Variants in MID1 observed in about 807,000 individuals in gnomAD.
The protein encoded by MID1 is E3 ubiquitin-protein ligase Midline-1.
Under a neutral mutation model 40.4 loss-of-function variants are expected in MID1, and 7 were observed. The ratio of observed to expected loss-of-function variants is 0.17; its 90% CI spans 0.10 to 0.33. The LOEUF is 0.33. Among genes scored for constraint, MID1 ranks in the 10% least tolerant of loss-of-function variants. The pLI is 1.00. For synonymous variants in MID1, 229 were observed against 221.2 expected, an observed-to-expected ratio of 1.04 and a Z score of -0.31; for missense variants, 367 against 558.5, an observed-to-expected ratio of 0.66 and a Z score of 3.46.
intron 1 of MID1, among the ~76,000 whole-genome samples, chrX:10,825,816 T>A (rs1193384863): frequency 9.0e-6 from 1 of 111,576 alleles, no homozygotes; most frequent in Non-Finnish European, 1.9e-5. Context: ...CCCAGGAAGT[T>A]ATTGAAAATA....
intron 1 of MID1, among the ~76,000 whole-genome samples, chrX:10,815,441 A>T (rs1438433762): frequency 8.9e-6 from 1 of 112,547 alleles, no homozygotes; most frequent in Non-Finnish European, 1.9e-5. Flanking sequence ...TGGAAGAAAG[A>T]AAATGGTTTA....
At chrX:10,821,720 CTTCT>C (rs2147159605) in intron 1 of MID1, among the ~76,000 whole-genome samples, 1 of 112,566 alleles carries the variant, frequency 8.9e-6, no homozygotes, top group East Asian at 2.8e-4. Flanking sequence ...TTCTTACTTT[CTTCT>C]TTATTTATCC....
At chrX:10,641,477 T>C (rs990140948) in intron 1 of MID1, among the ~76,000 whole-genome samples, 2 of 111,774 alleles carry the variant, frequency 1.8e-5, no homozygotes, top group African/African-American at 6.5e-5. Flanking sequence ...CAGGAAGAAG[T>C]TGAATCCCTG....
chrX:10,580,135 C>T (rs892548002), intron 1 of MID1, among the ~76,000 whole-genome samples: 2 of 109,752 alleles, frequency 1.8e-5, no homozygotes, highest in Non-Finnish European at 3.8e-5. Flanking sequence ...CACACACACA[C>T]ACTGTAAAGT....
At chrX:10,693,866 C>T (rs181588049) in intron 1 of MID1, among the ~76,000 whole-genome samples, 7 of 111,843 alleles carry the variant, frequency 6.3e-5, no homozygotes, top group Admixed American at 3.8e-4. Context: ...ACTAAACTTG[C>T]GAGGACAGTG....
chrX:10,723,446 C>A, intron 1 of MID1, among the ~76,000 whole-genome samples: 1 of 113,081 alleles, frequency 8.8e-6, no homozygotes, highest in South Asian at 3.6e-4. Flanking sequence ...AAAGTACACA[C>A]CACACTGACA....
intron 1 of MID1, among the ~76,000 whole-genome samples, chrX:10,727,013 C>G (rs2043396784): frequency 8.8e-6 from 1 of 113,182 alleles, no homozygotes; most frequent in South Asian, 3.6e-4. Flanking sequence ...AGAGCTGAAG[C>G]AAAGAACAAA....
intron 1 of MID1, among the ~76,000 whole-genome samples, chrX:10,601,413 A>C (rs868557696): frequency 6.2e-5 from 7 of 112,534 alleles, no homozygotes; most frequent in African/African-American, 2.3e-4. Context: ...GACTTGTGAA[A>C]ATTATGTGAA....
chrX:10,592,277 A>T (rs1400229106), intron 1 of MID1, among the ~76,000 whole-genome samples: 4 of 21,884 alleles, frequency 1.8e-4, no homozygotes, highest in African/African-American at 4.1e-4. Context: ...ACTGCGTTAA[A>T]AAAAAAAAAA....
intron 1 of MID1, among the ~76,000 whole-genome samples, chrX:10,571,050 A>G (rs760167531): frequency 8.9e-5 from 10 of 112,550 alleles, no homozygotes; most frequent in African/African-American, 2.6e-4. Flanking sequence ...TCTGACATCA[A>G]TGGAAATTAT....
intron 1 of MID1, among the ~76,000 whole-genome samples, chrX:10,748,086 G>T (rs1185815793): frequency 9.0e-6 from 1 of 110,787 alleles, no homozygotes; most frequent in Admixed American, 9.7e-5. Flanking sequence ...AGCTTATATA[G>T]TCTTTCTGTC....
In MID1 at chrX:10,567,205, C is replaced by T. The variant is rs104894865; in HGVS notation, c.343G>A (p.Glu115Lys). The T allele has an allele frequency of 9.9e-6, 12 of 1,209,486 alleles. No individual in the cohort carries two copies. The highest frequency in any genetic ancestry group is 1.3e-5 in the Non-Finnish European group (12 of 895,053). The change falls in exon 2 of 10, where the codon GAG becomes AAG. Residue 115 changes from glutamate (E) to lysine (K), a missense_variant. By Grantham distance (56) the Glu-to-Lys change is moderately conservative. This residue lies in a region of MID1 where 78 missense variants were observed against 112.6 expected (regional missense o/e 0.69). Coordinates refer to ENST00000317552, the MANE Select transcript of MID1 (RefSeq NM_000381.4). ...TCACAAAACTGGCAGAGGACCTTCT[C>T]GGCGGAGGTCATGGTGTTGGCGTCA... ...AFDANTMTSA[E>K]KVLCQFCDQD...
At chrX:10,542,543 C>A (rs149073847) in intron 2 of MID1, among the ~76,000 whole-genome samples, 129 of 112,005 alleles carry the variant, frequency 1.2e-3, no homozygotes, top group African/African-American at 4.0e-3. Flanking sequence ...TGGACTTGAA[C>A]CTTTACTGTT....
At chrX:10,803,302 AG>A (rs994575415) in intron 1 of MID1, among the ~76,000 whole-genome samples, 4 of 110,965 alleles carry the variant, frequency 3.6e-5, no homozygotes, top group African/African-American at 9.8e-5. Flanking sequence ...GACATAAGTA[AG>A]ATGCTTATAT....
chrX:10,572,287 C>T (rs1934757814), intron 1 of MID1, among the ~76,000 whole-genome samples: 1 of 109,970 alleles, frequency 9.1e-6, no homozygotes, highest in Non-Finnish European at 1.9e-5. Context: ...TGGTGGCTCA[C>T]ACCTGTAATC....
chrX:10,565,594 A>C, intron 2 of MID1: 1 of 302,591 alleles, frequency 3.3e-6, no homozygotes, highest in Non-Finnish European at 6.3e-6. Context: ...GAAGGACTTC[A>C]ATATATATTT....
chrX:10,450,966 A>G (rs1356117171), intron 9 of MID1, among the ~76,000 whole-genome samples: 1 of 112,172 alleles, frequency 8.9e-6, no homozygotes, highest in Non-Finnish European at 1.9e-5. Flanking sequence ...TACCCAATGC[A>G]GAGAGAAAAA....
chrX:10,746,987 G>A (rs1030890302), intron 1 of MID1, among the ~76,000 whole-genome samples: 13 of 110,989 alleles, frequency 1.2e-4, no homozygotes, highest in African/African-American at 3.3e-4. Context: ...TGAAAATAGC[G>A]TGAGTTGCTA....
chrX:10,465,880 G>C (rs1237367350), intron 7 of MID1, among the ~76,000 whole-genome samples: 1 of 111,744 alleles, frequency 8.9e-6, no homozygotes, highest in Non-Finnish European at 1.9e-5. Flanking sequence ...ATAATAAGTG[G>C]GTATTGTTTT....
Sources: gnomAD v4.1 joint callset for allele counts (sites outside exome capture counted in the v4.1 genomes callset) on GRCh38, gnomAD v4.1.1 for gene constraint, gnomAD v4.1.1 regional missense constraint, MANE v1.5 for transcripts, NCBI Gene and HGNC (gene_info 2026-07-23, HGNC 2026-07-21) for gene names.